The following IMMP2L variants were observed in gnomAD, a reference collection of about 807,000 sequenced individuals.
IMMP2L encodes inner mitochondrial membrane peptidase subunit 2.
In IMMP2L, 18 loss-of-function variants were observed where a neutral mutation model predicts 19.3. The ratio of observed to expected loss-of-function variants is 0.93; its 90% CI spans 0.64 to 1.38. The LOEUF is 1.38. Ranked by LOEUF, IMMP2L falls within the 40% of genes most tolerant of loss-of-function variation. The pLI, the probability that IMMP2L is intolerant of heterozygous loss-of-function variation, is 0.00. For synonymous variants in IMMP2L, 76 were observed against 73.0 expected (o/e 1.04, Z -0.21); for missense variants, 233 against 218.2 (o/e 1.07, Z -0.43).
chr7:111,463,533 C>G (rs1197782167), intron 3 of IMMP2L, among the ~76,000 whole-genome samples: 1 of 152,102 alleles, frequency 6.6e-6, no homozygotes, highest in African/African-American at 2.4e-5. Context: ...TGTTGCCACT[C>G]CATACCCCCA....
chr7:110,800,415 G>A (rs868203043), intron 5 of IMMP2L, among the ~76,000 whole-genome samples: 7 of 152,134 alleles, frequency 4.6e-5, no homozygotes, highest in African/African-American at 9.6e-5. Context: ...TGAATCTGCA[G>A]AGAATTTTTG....
intron 3 of IMMP2L, among the ~76,000 whole-genome samples, chr7:111,072,902 A>T (rs1365584105): frequency 8.8e-6 from 1 of 113,636 alleles, no homozygotes; most frequent in Admixed American, 8.5e-5. Context: ...GACTGTCTCC[A>T]AAAAAAAAAA....
At position 111,060,132 on chromosome 7, in the gene IMMP2L, A is replaced by G. The variant is rs531532718; in HGVS notation, c.240-96567T>C. On this transcript the variant is annotated intron_variant, in intron 3 of 5. Transcript: ENST00000405709. The stretch of plus-strand genomic sequence containing the variant: ...ATAAACCCAAAGAAGCCAAAAAAGC[A>G]AATTTTTAAAAAATAAATATTCATT... Among the ~76,000 whole-genome samples the G allele has an allele frequency of 2.6e-5, 4 of 152,294 alleles. No homozygotes were observed. The East Asian group carries it at 7.7e-4, about 29-fold the overall frequency.
At chr7:110,796,538 C>T (rs562351114) in intron 5 of IMMP2L, among the ~76,000 whole-genome samples, 64 of 152,142 alleles carry the variant, frequency 4.2e-4, no homozygotes, top group South Asian at 1.0e-3. Flanking sequence ...GGACCAAGTT[C>T]TCATCCTATG....
intron 3 of IMMP2L, among the ~76,000 whole-genome samples, chr7:111,046,044 C>G (rs1468947152): frequency 6.6e-6 from 1 of 151,702 alleles, no homozygotes; most frequent in Admixed American, 6.6e-5. Flanking sequence ...CAAATCTTAA[C>G]ATAATCTAAA....
chr7:111,480,649 C>G (rs1718617649), intron 3 of IMMP2L, among the ~76,000 whole-genome samples: 1 of 150,080 alleles, frequency 6.7e-6, no homozygotes, highest in African/African-American at 2.4e-5. Context: ...TTCATCCTCC[C>G]TAAAGAATCT....
At chr7:110,806,003 G>A (rs1801607298) in intron 5 of IMMP2L, among the ~76,000 whole-genome samples, 1 of 151,906 alleles carries the variant, frequency 6.6e-6, no homozygotes, top group African/African-American at 2.4e-5. Context: ...TAAAGTGGGG[G>A]AAGCCATTCA....
chr7:110,991,649 C>T (rs926897033), intron 3 of IMMP2L, among the ~76,000 whole-genome samples: 3 of 152,182 alleles, frequency 2.0e-5, no homozygotes, highest in African/African-American at 7.2e-5. Flanking sequence ...AGACACACTA[C>T]TAGTAGACTC....
intron 3 of IMMP2L, among the ~76,000 whole-genome samples, chr7:111,001,198 T>G (rs1374172445): frequency 6.6e-6 from 1 of 152,154 alleles, no homozygotes; most frequent in African/African-American, 2.4e-5. Flanking sequence ...CCTATACAGG[T>G]GCTAAAACAC....
At chr7:110,734,582 A>C (rs1243719494) in intron 5 of IMMP2L, among the ~76,000 whole-genome samples, 2 of 152,250 alleles carry the variant, frequency 1.3e-5, no homozygotes, top group African/African-American at 4.8e-5. Context: ...AGAAGAAAAA[A>C]GCATGTTCAG....
chr7:111,254,771 C>A (rs1228197865), intron 3 of IMMP2L, among the ~76,000 whole-genome samples: 7 of 152,006 alleles, frequency 4.6e-5, no homozygotes. Context: ...AAAGTCAGCC[C>A]TCTGTAACAC....
intron 3 of IMMP2L, among the ~76,000 whole-genome samples, chr7:111,109,926 G>A (rs998169181): frequency 1.4e-4 from 22 of 152,144 alleles, no homozygotes; most frequent in Non-Finnish European, 2.4e-4. Flanking sequence ...ACAAGGTCAG[G>A]AGTTCAAGAC....
intron 1 of IMMP2L, among the ~76,000 whole-genome samples, chr7:111,557,831 C>A (rs1168646111): frequency 6.6e-6 from 1 of 151,256 alleles, no homozygotes; most frequent in Non-Finnish European, 1.5e-5. Context: ...GATAGATATA[C>A]TAAAAAAAGG....
At chr7:110,940,300 C>T (rs1400078941) in intron 4 of IMMP2L, among the ~76,000 whole-genome samples, 1 of 140,384 alleles carries the variant, frequency 7.1e-6, no homozygotes, top group African/African-American at 2.7e-5. Flanking sequence ...GCCTGGGCAA[C>T]AGAGCTAGAC....
intron 3 of IMMP2L, among the ~76,000 whole-genome samples, chr7:111,062,661 C>T (rs779251046): frequency 4.6e-5 from 7 of 152,190 alleles, no homozygotes; most frequent in South Asian, 4.1e-4. Context: ...GATACAATGG[C>T]GGTACAGGCA....
intron 3 of IMMP2L, among the ~76,000 whole-genome samples, chr7:111,454,222 T>G (rs1372198148): frequency 2.0e-5 from 3 of 152,108 alleles, no homozygotes; most frequent in Admixed American, 1.3e-4. Context: ...AGCCTCAACT[T>G]GAAGGTCTCA....
chr7:111,387,999 A>G (rs1045387376), intron 3 of IMMP2L, among the ~76,000 whole-genome samples: 31 of 150,014 alleles, frequency 2.1e-4, no homozygotes, highest in African/African-American at 7.6e-4. Context: ...AAAAAAAAAA[A>G]CTAAAATACT....
intron 3 of IMMP2L, among the ~76,000 whole-genome samples, chr7:111,059,598 G>T (rs74876116): frequency 0.022 from 3,344 of 152,238 alleles, 72 homozygotes; most frequent in South Asian, 0.075. Flanking sequence ...GACTAAAATA[G>T]TGGCTAAAAC....
chr7:111,520,560 T>C (rs944721146), intron 2 of IMMP2L, among the ~76,000 whole-genome samples: 4 of 152,148 alleles, frequency 2.6e-5, no homozygotes, highest in African/African-American at 7.2e-5. Context: ...CTGTATAATT[T>C]TGATTTTTTA....
Sources: gnomAD v4.1 joint callset for allele counts (sites outside exome capture counted in the v4.1 genomes callset) on GRCh38, gnomAD v4.1.1 for gene constraint, MANE v1.5 for transcripts, NCBI Gene and HGNC (gene_info 2026-07-23, HGNC 2026-07-21) for gene names.